Variants in PRPF39 observed in about 807,000 individuals in gnomAD.
The protein encoded by PRPF39 is pre-mRNA processing factor 39, also known as pre-mRNA-processing factor 39.
PRPF39 carries 27 observed loss-of-function variants against 82.1 expected under a neutral mutation model. The ratio of observed to expected loss-of-function variants is 0.33; its 90% CI spans 0.24 to 0.45. The LOEUF is 0.45. PRPF39 is among the 20% of genes least tolerant of loss of function. The pLI is 1.00. For missense variants in PRPF39, 581 were observed against 796.9 expected (o/e 0.73, Z 3.26); for synonymous variants, 261 against 256.4 (o/e 1.02, Z -0.17).
chr14:45,086,887 G>T (rs371623816), intron 1 of PRPF39, among the ~76,000 whole-genome samples: 3 of 128,736 alleles, frequency 2.3e-5, no homozygotes, highest in South Asian at 5.3e-4. Context: ...CCCACAATAA[G>T]ATGTACATGG....
chr14:45,093,302 A>C (rs1264480187), intron 1 of PRPF39, among the ~76,000 whole-genome samples: 2 of 151,140 alleles, frequency 1.3e-5, no homozygotes, highest in Non-Finnish European at 2.9e-5. Context: ...GGCTCACTGC[A>C]ACCTTCACCT....
intron 1 of PRPF39, among the ~76,000 whole-genome samples, chr14:45,086,236 C>T (rs535972697): frequency 6.6e-6 from 1 of 152,152 alleles, no homozygotes; most frequent in Non-Finnish European, 1.5e-5. Flanking sequence ...CCACCGTGCC[C>T]GGCCCAAATG....
chr14:45,086,747 C>A (rs1883839568), intron 1 of PRPF39, among the ~76,000 whole-genome samples: 1 of 152,008 alleles, frequency 6.6e-6, no homozygotes. Flanking sequence ...TCATTCTCAC[C>A]CAATTTAATT....
Position 45,110,121 on chromosome 14 carries a change from A to G in PRPF39, c.1204A>G (p.Ile402Val), listed in dbSNP as rs1215793720. ...TGCCAAGTACATGGAAAACCATAGCATTGAAGGAGTGAGGCATGTCTTCAG... is the reference window on the plus strand; with the variant it reads ...TGCCAAGTACATGGAAAACCATAGCGTTGAAGGAGTGAGGCATGTCTTCAG... ...KYAKYMENHS[I>V]EGVRHVFSRA... The change falls in exon 9 of 14, where the codon ATT (isoleucine) becomes GTT (valine). Residue 402 changes from isoleucine (I) to valine (V), a missense_variant. By Grantham distance (29) the Ile-to-Val change is conservative. Coordinates refer to ENST00000355765, the MANE Select transcript of PRPF39 (RefSeq NM_017922.4). The surrounding 1 kb of genome is among the most constrained non-coding windows in gnomAD (Gnocchi z 4.0). The G allele has an allele frequency of 2.5e-6, 4 of 1,613,504 alleles. No individual in the cohort carries two copies. The South Asian group carries it at 4.4e-5, about 18-fold the overall frequency.
intron 1 of PRPF39, among the ~76,000 whole-genome samples, chr14:45,093,046 T>C (rs1331051909): frequency 6.6e-6 from 1 of 152,152 alleles, no homozygotes; most frequent in Non-Finnish European, 1.5e-5. Context: ...TGGAGAACAA[T>C]TGTTAACACC....
At chr14:45,097,340 A>G (rs1267523984) in intron 4 of PRPF39, among the ~76,000 whole-genome samples, 2 of 151,734 alleles carry the variant, frequency 1.3e-5, no homozygotes, top group Non-Finnish European at 1.5e-5. Flanking sequence ...TCTTCCTGCC[A>G]TATTTTTTAA....
chr14:45,092,987 A>G (rs1884085780), intron 1 of PRPF39, among the ~76,000 whole-genome samples: 1 of 152,322 alleles, frequency 6.6e-6, no homozygotes, highest in Admixed American at 6.5e-5. Flanking sequence ...CATTCAGTTA[A>G]GTAATTGCAG....
In PRPF39 at chr14:45,114,973, A is replaced by C; in HGVS notation, c.*60A>C. ...AAAGTATGAAATTATTATTTTTTTTAATGAGGGATGTAAACAGTATAAGCT... is the reference window on the plus strand; with the variant it reads ...AAAGTATGAAATTATTATTTTTTTTCATGAGGGATGTAAACAGTATAAGCT... On this transcript the variant is annotated 3_prime_UTR_variant, in exon 14 of 14. Transcript: ENST00000355765. 2 of 1,320,650 alleles carry C rather than the reference A, an allele frequency of 1.5e-6. No homozygotes were observed. The highest frequency in any genetic ancestry group is 2.9e-5 in the African/African-American group (2 of 68,686). The allele number at this position is 1,320,650 out of a possible 1,614,324, so 81.8% of individuals were successfully genotyped here. A position where few individuals can be genotyped will look rare whatever the true frequency, so the allele number is the denominator to read the frequency against.
At chr14:45,091,817 G>A (rs748161656) in intron 1 of PRPF39, among the ~76,000 whole-genome samples, 4 of 152,198 alleles carry the variant, frequency 2.6e-5, no homozygotes, top group Non-Finnish European at 5.9e-5. Context: ...GCAATGGACA[G>A]TCTCATGCAC....
chr14:45,094,148 T>C (rs1884127285), intron 1 of PRPF39, among the ~76,000 whole-genome samples: 1 of 152,104 alleles, frequency 6.6e-6, no homozygotes, highest in African/African-American at 2.4e-5. Context: ...TCTAAGTATA[T>C]TTTAAGAGTA....
At chr14:45,086,704 A>C (rs1464367604) in intron 1 of PRPF39, among the ~76,000 whole-genome samples, 1 of 152,182 alleles carries the variant, frequency 6.6e-6, no homozygotes, top group Non-Finnish European at 1.5e-5. Context: ...TTCAGGTTCA[A>C]GGGGGACAGC....
chr14:45,107,105 A>G (rs1884559446), intron 5 of PRPF39, among the ~76,000 whole-genome samples: 1 of 152,228 alleles, frequency 6.6e-6, no homozygotes, highest in African/African-American at 2.4e-5. Flanking sequence ...AGGTATTATC[A>G]TCTTATTTTA....
chr14:45,093,625 G>A (rs559325026), intron 1 of PRPF39, among the ~76,000 whole-genome samples: 31 of 150,112 alleles, frequency 2.1e-4, no homozygotes, highest in African/African-American at 7.4e-4. Context: ...GCATGATCTC[G>A]GCTCACTGTA....
intron 1 of PRPF39, among the ~76,000 whole-genome samples, chr14:45,090,111 T>C (rs1229298681): frequency 6.6e-6 from 1 of 152,216 alleles, no homozygotes; most frequent in African/African-American, 2.4e-5. Context: ...TGTATTTTGT[T>C]TTTAGACTGA....
chr14:45,095,635 C>T (rs1039188287), intron 2 of PRPF39, 72 bp downstream of exon 2: 1 of 1,424,474 alleles, frequency 7.0e-7, no homozygotes, highest in Non-Finnish European at 9.3e-7. Context: ...AAACAGTAGA[C>T]CTTATTGTTT....
At chr14:45,096,530 C>A in intron 3 of PRPF39, 1 of 1,431,618 alleles carries the variant, frequency 7.0e-7, no homozygotes. Flanking sequence ...ATTTATTTCT[C>A]ATTTTCCAAA....
chr14:45,102,684 A>T lies in PRPF39; in HGVS notation c.725A>T (p.His242Leu). The change falls in exon 5 of 14, where the codon CAT becomes CTT. Residue 242 changes from histidine to leucine, a missense_variant. Coordinates refer to ENST00000355765, the MANE Select transcript of PRPF39 (RefSeq NM_017922.4). ...GGTATTCCAACACAGCTGTATAGTC[A>T]TCATTTTCAGAGGTAGGTGGGAAAT... ...ILGIPTQLYS[H>L]HFQRFKEHVQ... is the part of the protein sequence containing the mutation. 23 of 1,596,896 alleles carry T rather than the reference A, an allele frequency of 1.4e-5. No individual in the cohort carries two copies. Among genetic ancestry groups the T allele is most frequent in the Non-Finnish European group, 2.0e-5 (23 of 1,174,542 alleles).
intron 13 of PRPF39, 58 bp from the exon 14 acceptor site, chr14:45,114,799 T>C: frequency 6.8e-7 from 1 of 1,462,742 alleles, no homozygotes; most frequent in African/African-American, 1.4e-5. Flanking sequence ...ATTATACTTT[T>C]ACATATGGAA....
At chr14:45,095,735 T>C (rs1884177429) in intron 2 of PRPF39, 172 bp downstream of exon 2, 2 of 877,850 alleles carry the variant, frequency 2.3e-6, no homozygotes, top group Non-Finnish European at 3.4e-6. Context: ...ACAGCTTTTG[T>C]ATGTTGTAGA....
Sources: allele counts gnomAD v4.1 joint callset (sites outside exome capture counted in the v4.1 genomes callset), GRCh38; gene constraint gnomAD v4.1.1; non-coding constraint Gnocchi (gnomAD v3.1); transcripts MANE v1.5; gene names NCBI Gene and HGNC (gene_info 2026-07-23, HGNC 2026-07-21).